The following SLC1A3 variants were observed in gnomAD, a reference collection of about 807,000 sequenced individuals.
The protein encoded by SLC1A3 is excitatory amino acid transporter 1.
A neutral mutation model predicts 48.1 loss-of-function variants in SLC1A3; 21 were observed. That is an observed-to-expected ratio of 0.44 (90% CI 0.31 to 0.63). The LOEUF (loss-of-function observed/expected upper bound fraction) is 0.63, where lower values mean the gene tolerates loss of function less well. Ranked by LOEUF, SLC1A3 falls within the 20% of genes least tolerant of loss-of-function variation. The probability of loss-of-function intolerance (pLI) is 0.08; values close to 1 mark genes in which losing one functional copy is unlikely to be tolerated. For synonymous variants in SLC1A3, 239 were observed against 251.4 expected, an observed-to-expected ratio of 0.95 and a Z score of 0.47; for missense variants, 546 against 689.0, an observed-to-expected ratio of 0.79 and a Z score of 2.32.
intron 1 of SLC1A3, among the ~76,000 whole-genome samples, chr5:36,597,396 G>C (rs571185000): frequency 6.6e-6 from 1 of 151,412 alleles, no homozygotes; most frequent in Non-Finnish European, 1.5e-5. Flanking sequence ...GGGGCACGCC[G>C]CCACGCCCGG....
chr5:36,633,235 T>G (rs1740205210), intron 3 of SLC1A3, among the ~76,000 whole-genome samples: 1 of 152,202 alleles, frequency 6.6e-6, no homozygotes, highest in South Asian at 2.1e-4. Flanking sequence ...ACTAGTGCTT[T>G]CTTCTTTTCT....
At chr5:36,673,841 T>G (rs936969092) in intron 4 of SLC1A3, among the ~76,000 whole-genome samples, 2 of 152,172 alleles carry the variant, frequency 1.3e-5, no homozygotes, top group African/African-American at 4.8e-5. Context: ...ATGAGTCAAG[T>G]TTGGACTCCC....
chr5:36,610,328 A>G (rs1739142393), intron 2 of SLC1A3, among the ~76,000 whole-genome samples: 1 of 152,230 alleles, frequency 6.6e-6, no homozygotes, highest in Non-Finnish European at 1.5e-5. Flanking sequence ...TTACCCGGTT[A>G]CCTCAAAAGA....
At chr5:36,677,425 G>A (rs1011464577) in intron 6 of SLC1A3, among the ~76,000 whole-genome samples, 1 of 152,274 alleles carries the variant, frequency 6.6e-6, no homozygotes, top group East Asian at 1.9e-4. Flanking sequence ...CCCCAGTGCT[G>A]ATGGAATCTC....
intron 9 of SLC1A3, 50 bp from the exon 10 acceptor site, chr5:36,686,015 G>T (rs1313169755): frequency 3.4e-6 from 5 of 1,491,252 alleles, no homozygotes; most frequent in Non-Finnish European, 3.7e-6. Context: ...TTGAAAACTT[G>T]TGATGCTCAC....
chr5:36,639,984 T>C (rs1212548250), intron 3 of SLC1A3, among the ~76,000 whole-genome samples: 1 of 152,208 alleles, frequency 6.6e-6, no homozygotes, highest in African/African-American at 2.4e-5. Context: ...AGTAAAAAGA[T>C]GCTGGAGTTT....
Position 36,649,930 on chromosome 5 carries a change from T to C in SLC1A3, c.319+20343T>C, listed in dbSNP as rs1049163046. Among the ~76,000 whole-genome samples, 7 of 152,226 alleles carry C rather than the reference T, an allele frequency of 4.6e-5. No individual in the cohort carries two copies. In the East Asian group the frequency reaches 1.3e-3, roughly 29 times the overall value. On this transcript the variant is annotated intron_variant, in intron 3 of 9. Coordinates refer to ENST00000265113, the MANE Select transcript of SLC1A3 (RefSeq NM_004172.5). ...GCCTTCCCCATTGAAAATCACTGTG[T>C]GAGTTTTCCAAAAACAATTAATTAT...
intron 1 of SLC1A3, among the ~76,000 whole-genome samples, chr5:36,597,645 T>A (rs944611757): frequency 6.6e-6 from 1 of 152,184 alleles, no homozygotes; most frequent in African/African-American, 2.4e-5. Context: ...TTGTCCTGAC[T>A]TGGAACTCTC....
chr5:36,672,917 A>C (rs959495257), intron 4 of SLC1A3, among the ~76,000 whole-genome samples: 2 of 152,188 alleles, frequency 1.3e-5, no homozygotes, highest in African/African-American at 4.8e-5. Flanking sequence ...ATTTTATTAT[A>C]TTACATTTTC....
chr5:36,675,837 T>C (rs908593603), intron 5 of SLC1A3, among the ~76,000 whole-genome samples: 2 of 152,168 alleles, frequency 1.3e-5, no homozygotes, highest in African/African-American at 4.8e-5. Context: ...ATAAGAAACT[T>C]TTCCATTAAC....
intron 1 of SLC1A3, 126 bp downstream of exon 1, chr5:36,606,861 T>C (rs1375563885): frequency 6.6e-6 from 1 of 152,392 alleles, no homozygotes; most frequent in African/African-American, 2.4e-5. Flanking sequence ...GATAAAGTCC[T>C]TGTTAGTCAT....
In SLC1A3 at chr5:36,683,786, G is replaced by A. The variant is rs11748249; in HGVS notation, c.1290-78G>A. 0.22 allele frequency: 330,253 copies of A among 1,487,422 alleles called. 38,916 individuals carry two copies. Among genetic ancestry groups the A allele is most frequent in the Admixed American group, 0.38 (22,393 of 59,438 alleles). 92.1% of individuals were successfully genotyped at this position (1,487,422 alleles called of 1,614,324 possible). A position where few individuals can be genotyped will look rare whatever the true frequency, so the allele number is the denominator to read the frequency against. On this transcript the variant is annotated intron_variant, in intron 8 of 9. Transcript: ENST00000265113. ...ACATGGCAAGTCAGGCATCGGCACCGTGCGTATTTTGCAGCGTATATGCTC... is the reference window on the plus strand; with the variant it reads ...ACATGGCAAGTCAGGCATCGGCACCATGCGTATTTTGCAGCGTATATGCTC...
chr5:36,670,765 T>A lies in SLC1A3; in HGVS notation c.320-264T>A, dbSNP rs902986009. On this transcript the variant is annotated intron_variant, in intron 3 of 9. Transcript: ENST00000265113. The stretch of plus-strand genomic sequence containing the variant: ...ACTTTTGGACCATTAGAGAACAGTA[T>A]TGATTTGGCCATGTGAAATCAACTC... 1.7e-5 allele frequency: 9 copies of A among 535,046 alleles called. No individual in the cohort carries two copies. The Admixed American group carries it at 1.8e-4, about 11-fold the overall frequency. 33.1% of individuals were successfully genotyped at this position (535,046 alleles called of 1,614,324 possible).
intron 8 of SLC1A3, among the ~76,000 whole-genome samples, chr5:36,683,413 T>A (rs1742516266): frequency 6.7e-6 from 1 of 148,562 alleles, no homozygotes; most frequent in South Asian, 2.1e-4. Context: ...TTTTTTTTTT[T>A]AATCTCATTT....
At position 36,597,977 on chromosome 5, in the gene SLC1A3, T is replaced by C. The variant is rs550214910; in HGVS notation, c.-96+1299T>C. On this transcript the variant is annotated intron_variant, in intron 1 of 9. Coordinates refer to the SLC1A3 transcript ENST00000680318. ...ATTGCTCATGTTTTCCCTACCATAA[T>C]GTAAGATCCTCGAGGACTGCCACGA... Among the ~76,000 whole-genome samples the C allele has an allele frequency of 5.3e-5, 8 of 152,328 alleles. No individual in the cohort carries two copies. The South Asian group carries it at 1.2e-3, about 24-fold the overall frequency.
intron 3 of SLC1A3, among the ~76,000 whole-genome samples, chr5:36,637,984 C>T (rs772478288): frequency 5.3e-5 from 8 of 150,874 alleles, no homozygotes; most frequent in Non-Finnish European, 1.0e-4. Context: ...TTGAAAACTA[C>T]CACTTTACAG....
intron 3 of SLC1A3, among the ~76,000 whole-genome samples, chr5:36,656,674 T>C (rs1741298671): frequency 6.6e-6 from 1 of 152,220 alleles, no homozygotes; most frequent in South Asian, 2.1e-4. Flanking sequence ...TGCTATAGTA[T>C]GTTACAAAAT....
chr5:36,683,927 G>A lies in SLC1A3; in HGVS notation c.1353G>A (p.Met451Ile). 1 of 1,614,134 alleles carries A rather than the reference G, an allele frequency of 6.2e-7. No individual in the cohort carries two copies. The highest frequency in any genetic ancestry group is 8.5e-7 in the Non-Finnish European group (1 of 1,179,990). Residue 451 changes from methionine to isoleucine, a missense_variant, in exon 9 of 10, where the codon ATG (methionine) becomes ATA (isoleucine). Met to Ile is a conservative substitution (Grantham distance 10). Around this residue, in one of 3 missense-constraint regions of SLC1A3, gnomAD observed 142 missense variants for 238.0 expected, o/e 0.60. Coordinates refer to ENST00000265113, the MANE Select transcript of SLC1A3 (RefSeq NM_004172.5). Reference protein sequence around the residue: ...AGIPQAGLVTMVIVLTSVGLP... With the variant: ...AGIPQAGLVTIVIVLTSVGLP... ...TTCCTCAGGCGGGCCTGGTCACTAT[G>A]GTCATTGTGCTGACATCTGTCGGCC...
At chr5:36,675,637 C>T (rs1742175310) in intron 5 of SLC1A3, among the ~76,000 whole-genome samples, 2 of 152,198 alleles carry the variant, frequency 1.3e-5, no homozygotes, top group South Asian at 4.1e-4. Context: ...GATTGAAAAT[C>T]TGCCCTGGAC....
Sources: gnomAD v4.1 joint callset for allele counts (sites outside exome capture counted in the v4.1 genomes callset) on GRCh38, gnomAD v4.1.1 for gene constraint, gnomAD v4.1.1 regional missense constraint, MANE v1.5 for transcripts, NCBI Gene and HGNC (gene_info 2026-07-23, HGNC 2026-07-21) for gene names.